LRR1: variants seen among roughly 807,000 people sequenced by gnomAD.
LRR1 encodes leucine rich repeat protein 1, also known as leucine-rich repeat protein 1.
A neutral mutation model predicts 31.6 loss-of-function variants in LRR1; 29 were observed. That is an observed-to-expected ratio of 0.92 (90% CI 0.68 to 1.25). The LOEUF is 1.25. LRR1 is among the 50% of genes most tolerant of loss of function. The pLI is 0.00. For missense variants in LRR1, 485 were observed against 487.2 expected (o/e 1.00, Z 0.04); for synonymous variants, 179 against 181.4 (o/e 0.99, Z 0.10).
intron 2 of LRR1, among the ~76,000 whole-genome samples, chr14:49,606,716 G>T (rs893997908): frequency 6.7e-6 from 1 of 149,540 alleles, no homozygotes; most frequent in African/African-American, 2.5e-5. Flanking sequence ...GAGTGCAGTG[G>T]CACAATCTCG....
intron 3 of LRR1, among the ~76,000 whole-genome samples, chr14:49,608,434 T>TTTTTTTTTTTTTTG: frequency 8.5e-6 from 1 of 117,356 alleles, no homozygotes; most frequent in Non-Finnish European, 1.8e-5. Flanking sequence ...TTTTTTTTTT[T>TTTTTTTTTTTTTTG]TTTTTTTTTT....
chr14:49,607,315 T>C, intron 2 of LRR1, 85 bp from the exon 3 acceptor site: 1 of 1,306,454 alleles, frequency 7.7e-7, no homozygotes, highest in Non-Finnish European at 1.0e-6. Flanking sequence ...TCATAAGTAA[T>C]GCCATAGAAT....
At chr14:49,601,223 A>T (rs1169319439) in intron 1 of LRR1, 4 of 1,431,498 alleles carry the variant, frequency 2.8e-6, no homozygotes, top group Non-Finnish European at 2.8e-6. Context: ...GTGCTTTCTT[A>T]AAAAAAATCA....
rs750964936 is a variant in LRR1, at chr14:49,614,302, T to C, written c.1051T>C (p.Leu351=). Residue 351 remains leucine (L), a synonymous_variant, in exon 4 of 4, where the codon TTG becomes CTG. Transcript: ENST00000298288. The stretch of plus-strand genomic sequence containing the variant: ...CATTCCATTCCATCTCTGCCAAGAT[T>C]TGGATACCGCAAAAATTTGTGTTTG... ...HIIPFHLCQD[L]DTAKICVCGR... The C allele has an allele frequency of 1.9e-6, 3 of 1,613,808 alleles. No individual in the cohort carries two copies. The Admixed American group carries it at 5.0e-5, about 27-fold the overall frequency.
intron 2 of LRR1, chr14:49,603,419 C>A: frequency 1.0e-5 from 2 of 193,570 alleles, no homozygotes; most frequent in Non-Finnish European, 2.0e-5. Flanking sequence ...ATTTTGCCAG[C>A]TAAACCACAG....
chr14:49,613,733 T>A (rs931656137), intron 3 of LRR1, among the ~76,000 whole-genome samples: 21 of 152,006 alleles, frequency 1.4e-4, no homozygotes, highest in African/African-American at 4.8e-4. Context: ...GAAGAATTGC[T>A]TGAACCCAGG....
chr14:49,607,062 ACT>A (rs1334522170), intron 2 of LRR1, among the ~76,000 whole-genome samples: 2 of 139,940 alleles, frequency 1.4e-5, no homozygotes, highest in African/African-American at 2.7e-5. Context: ...AGACAGTCTC[ACT>A]CTGTTGCCCA....
intron 3 of LRR1, among the ~76,000 whole-genome samples, chr14:49,608,675 C>T (rs965753084): frequency 2.0e-5 from 3 of 151,416 alleles, no homozygotes; most frequent in African/African-American, 7.3e-5. Flanking sequence ...CTCCCCTGAC[C>T]AGCAGGATCT....
intron 2 of LRR1, chr14:49,603,543 TTTTTTG>T: frequency 1.1e-4 from 30 of 275,620 alleles, no homozygotes; most frequent in Non-Finnish European, 1.7e-4. Flanking sequence ...TTTTTTTTTT[TTTTTTG>T]AGATGGAGTC....
At position 49,607,470 on chromosome 14, in the gene LRR1, C is replaced by A. The variant is rs764907176; in HGVS notation, c.353C>A (p.Thr118Lys). 7 of 1,613,320 alleles carry A rather than the reference C, an allele frequency of 4.3e-6. No homozygotes were observed. The South Asian group carries it at 7.7e-5, about 18-fold the overall frequency. ...GCTCATAGAGGCTGTAATGTTGATA[C>A]ACCAGTTTCAACGCTCACACCAGTG... ...RLAHRGCNVD[T>K]PVSTLTPVKT... The change falls in exon 3 of 4, where the codon ACA becomes AAA. Residue 118 changes from threonine (T) to lysine (K), a missense_variant. Physicochemically the swap from Thr to Lys is moderately conservative, Grantham distance 78. This residue lies in a region of LRR1 where 260 missense variants were observed against 249.6 expected (regional missense o/e 1.04). Coordinates refer to ENST00000298288, the MANE Select transcript of LRR1 (RefSeq NM_152329.4).
chr14:49,606,185 C>G (rs1882274523), intron 2 of LRR1, among the ~76,000 whole-genome samples: 1 of 151,630 alleles, frequency 6.6e-6, no homozygotes, highest in South Asian at 2.1e-4. Context: ...TGCCGCCATG[C>G]CCCACTAATT....
At chr14:49,600,132 ACAGT>A (rs1185581293) in intron 1 of LRR1, 8 of 1,560,410 alleles carry the variant, frequency 5.1e-6, no homozygotes, top group Admixed American at 1.7e-5. Flanking sequence ...CGACCACTAC[ACAGT>A]CAGCGTCACC....
Position 49,607,533 on chromosome 14 carries a change from T to C in LRR1, c.416T>C (p.Val139Ala), listed in dbSNP as rs992352181. Reference sequence around the variant, plus strand: ...TTTGAAAACTTTAAAACTAAAATGGTTATCACATCCAAAAAAGACTATCCT... The same window carrying C: ...TTTGAAAACTTTAAAACTAAAATGGCTATCACATCCAAAAAAGACTATCCT... ...SEFENFKTKM[V>A]ITSKKDYPLS... The change falls in exon 3 of 4, where the codon GTT (valine) becomes GCT (alanine). Residue 139 changes from valine to alanine, a missense_variant. Coordinates refer to ENST00000298288, the MANE Select transcript of LRR1 (RefSeq NM_152329.4). 5.0e-6 allele frequency: 8 copies of C among 1,614,018 alleles called. No individual in the cohort carries two copies. Among genetic ancestry groups the C allele is most frequent in the Non-Finnish European group, 6.8e-6 (8 of 1,180,018 alleles).
At chr14:49,605,759 C>T (rs1882256066) in intron 2 of LRR1, among the ~76,000 whole-genome samples, 3 of 152,130 alleles carry the variant, frequency 2.0e-5, no homozygotes, top group African/African-American at 7.2e-5. Flanking sequence ...TTTGATAGTT[C>T]AGCTGTTATA....
At chr14:49,600,406 T>C in intron 1 of LRR1, 1 of 1,602,206 alleles carries the variant, frequency 6.2e-7, no homozygotes, top group Non-Finnish European at 8.5e-7. Context: ...CTGAGTGATA[T>C]GAAAGAAAAA....
chr14:49,606,106 A>G (rs1413436979), intron 2 of LRR1, among the ~76,000 whole-genome samples: 1 of 149,590 alleles, frequency 6.7e-6, no homozygotes, highest in Admixed American at 6.7e-5. Context: ...GGCTTACTGC[A>G]ACCTCTGCCT....
chr14:49,602,070 T>G (rs1702942824), intron 1 of LRR1, among the ~76,000 whole-genome samples: 1 of 149,982 alleles, frequency 6.7e-6, no homozygotes, highest in African/African-American at 2.5e-5. Context: ...GAAGTGGAGG[T>G]TGCAGTGATG....
Position 49,614,493 on chromosome 14 carries a change from G to T in LRR1, c.1242G>T (p.Lys414Asn). ...ATGTTAATTCCTCTGATATGTTAAA[G>T]TAATGGGTGAGACCAGAAAAAGAAA... is the stretch of plus-strand genomic sequence containing the variant. ...GCYVNSSDML[K>N] The change falls in exon 4 of 4, where the codon AAG (lysine) becomes AAT (asparagine). Residue 414 changes from lysine (K) to asparagine (N), a missense_variant. Around this residue, in one of 3 missense-constraint regions of LRR1, gnomAD observed 210 missense variants for 200.4 expected, o/e 1.05. Coordinates refer to ENST00000298288, the MANE Select transcript of LRR1 (RefSeq NM_152329.4). 1 of 1,613,602 alleles carries T rather than the reference G, an allele frequency of 6.2e-7. No homozygotes were observed. The highest frequency in any genetic ancestry group is 1.3e-5 in the African/African-American group (1 of 75,044).
At position 49,612,448 on chromosome 14, in the gene LRR1, C is replaced by T. The variant is rs1882546229; in HGVS notation, c.1005-1808C>T. 4.2e-6 allele frequency: 5 copies of T among 1,202,132 alleles called. No individual in the cohort carries two copies. The Admixed American group carries it at 1.0e-4, about 24-fold the overall frequency. 74.5% of individuals were successfully genotyped at this position (1,202,132 alleles called of 1,614,324 possible). A position where few individuals can be genotyped will look rare whatever the true frequency, so the allele number is the denominator to read the frequency against. The stretch of plus-strand genomic sequence containing the variant: ...GTCAGATAGAAAATACAGTTTTTAA[C>T]TGTTGTCTGTTTCCTCAATCTAGAA... On this transcript the variant is annotated intron_variant, in intron 3 of 3. Coordinates refer to ENST00000298288, the MANE Select transcript of LRR1 (RefSeq NM_152329.4).
Sources: allele counts gnomAD v4.1 joint callset (sites outside exome capture counted in the v4.1 genomes callset), GRCh38; gene constraint gnomAD v4.1.1; regional missense constraint gnomAD v4.1.1; transcripts MANE v1.5; gene names NCBI Gene and HGNC (gene_info 2026-07-23, HGNC 2026-07-21).